Variants in ROBO1 observed in about 807,000 individuals in gnomAD.
ROBO1 encodes roundabout homolog 1.
In ROBO1, 149 loss-of-function variants were observed where a neutral mutation model predicts 195.9. That is an observed-to-expected ratio of 0.76 (90% CI 0.67 to 0.87). The LOEUF (loss-of-function observed/expected upper bound fraction) is 0.87, where lower values mean the gene tolerates loss of function less well. ROBO1 is among the 40% of genes least tolerant of loss of function. The pLI is 0.00. For synonymous variants in ROBO1, 816 were observed against 733.2 expected (o/e 1.11, Z -1.82); for missense variants, 1,933 against 2,068.3 (o/e 0.93, Z 1.27).
At chr3:79,288,964 A>G (rs1210125778) in intron 2 of ROBO1, among the ~76,000 whole-genome samples, 2 of 152,194 alleles carry the variant, frequency 1.3e-5, no homozygotes, top group Admixed American at 6.5e-5. Flanking sequence ...TGACAAGGAC[A>G]TTCAATGTTG....
chr3:79,487,036 G>A (rs760288312), intron 2 of ROBO1, among the ~76,000 whole-genome samples: 1 of 152,058 alleles, frequency 6.6e-6, no homozygotes, highest in African/African-American at 2.4e-5. Context: ...CACCCCTAGA[G>A]ACTCAAGGTC....
intron 2 of ROBO1, among the ~76,000 whole-genome samples, chr3:79,346,161 T>A (rs2035108052): frequency 1.3e-5 from 2 of 152,112 alleles, no homozygotes; most frequent in South Asian, 4.1e-4. Context: ...ATATTGCTCA[T>A]TTTTAATATT....
intron 2 of ROBO1, among the ~76,000 whole-genome samples, chr3:79,290,877 C>T (rs1419112097): frequency 6.6e-6 from 1 of 152,076 alleles, no homozygotes; most frequent in Non-Finnish European, 1.5e-5. Flanking sequence ...TCATCTAATT[C>T]TCTCCAGGTC....
At chr3:79,509,035 C>A (rs1392274664) in intron 2 of ROBO1, among the ~76,000 whole-genome samples, 1 of 151,900 alleles carries the variant, frequency 6.6e-6, no homozygotes, top group Non-Finnish European at 1.5e-5. Flanking sequence ...TATTTGATGA[C>A]ACATTAGTAA....
At chr3:79,215,062 A>G (rs2082031380) in intron 2 of ROBO1, among the ~76,000 whole-genome samples, 1 of 152,082 alleles carries the variant, frequency 6.6e-6, no homozygotes, top group Admixed American at 6.6e-5. Flanking sequence ...GCATGTGTAT[A>G]TTCCTTTATC....
At chr3:79,432,521 A>C (rs903681058) in intron 2 of ROBO1, among the ~76,000 whole-genome samples, 7 of 152,140 alleles carry the variant, frequency 4.6e-5, no homozygotes, top group African/African-American at 1.7e-4. Flanking sequence ...AGGCATTTAA[A>C]AATATATTAG....
At position 78,867,949 on chromosome 3, in the gene ROBO1, C is replaced by T. The variant is rs189673205; in HGVS notation, c.499+70652G>A. Among the ~76,000 whole-genome samples the T allele has an allele frequency of 5.0e-3, 757 of 152,204 alleles. 3 individuals carry two copies. The highest frequency in any genetic ancestry group is 8.1e-3 in the Non-Finnish European group (550 of 68,018). ...ATTGAGACTAATAACAGAACCTCTC[C>T]GTCTATTCTTGTCTTAAAGGCCTGT... On this transcript the variant is annotated intron_variant, in intron 4 of 30. Transcript: ENST00000464233.
At chr3:79,602,737 C>T (rs1308846849) in intron 1 of ROBO1, among the ~76,000 whole-genome samples, 1 of 151,906 alleles carries the variant, frequency 6.6e-6, no homozygotes, top group Non-Finnish European at 1.5e-5. Context: ...TAAATTTCAA[C>T]ATTAAATCAA....
intron 3 of ROBO1, among the ~76,000 whole-genome samples, chr3:79,047,009 A>G (rs2078607669): frequency 6.6e-6 from 1 of 152,124 alleles, no homozygotes. Context: ...CAAGTACTGA[A>G]GGTATGCAAC....
chr3:78,688,266 C>A (rs543533102), intron 9 of ROBO1, among the ~76,000 whole-genome samples: 12 of 152,114 alleles, frequency 7.9e-5, no homozygotes, highest in Non-Finnish European at 1.8e-4. Context: ...TCAAAGAAAT[C>A]ACTGAATAAT....
chr3:78,704,464 T>C (rs918996043), intron 8 of ROBO1, among the ~76,000 whole-genome samples: 4 of 152,050 alleles, frequency 2.6e-5, no homozygotes, highest in African/African-American at 9.7e-5. Context: ...GAGGTGTTTT[T>C]GAATGCAAGT....
intron 2 of ROBO1, among the ~76,000 whole-genome samples, chr3:79,261,402 T>G (rs916910767): frequency 3.3e-5 from 5 of 152,044 alleles, no homozygotes; most frequent in African/African-American, 4.8e-5. Flanking sequence ...GACAAACATA[T>G]TGTGAAATTA....
intron 3 of ROBO1, among the ~76,000 whole-genome samples, chr3:79,024,017 A>G (rs1000540075): frequency 1.3e-5 from 2 of 151,990 alleles, no homozygotes; most frequent in Admixed American, 1.3e-4. Context: ...GCCAGGGCCA[A>G]TATTTTTAAC....
chr3:78,970,194 T>C (rs2076732808), intron 3 of ROBO1, among the ~76,000 whole-genome samples: 1 of 152,202 alleles, frequency 6.6e-6, no homozygotes, highest in Admixed American at 6.5e-5. Flanking sequence ...ATATATTAAA[T>C]ACTTTTCAAA....
At position 78,646,197 on chromosome 3, in the gene ROBO1, T is replaced by A. The variant is rs1575833955; in HGVS notation, c.2840-7A>T. 2 of 1,603,628 alleles carry A rather than the reference T, an allele frequency of 1.2e-6. No homozygotes were observed. The highest frequency in any genetic ancestry group is 1.3e-5 in the African/African-American group (1 of 74,144). On this transcript the variant is annotated splice_polypyrimidine_tract_variant and splice_region_variant and intron_variant, in intron 20 of 30. Coordinates refer to ENST00000464233, the MANE Select transcript of ROBO1 (RefSeq NM_002941.4). ...CCTCCTCTCTGGTAAGTTACTAGAATGTTACGAAAAAAAAAAGGAACAATT... is the reference window on the plus strand; with the variant it reads ...CCTCCTCTCTGGTAAGTTACTAGAAAGTTACGAAAAAAAAAAGGAACAATT...
intron 1 of ROBO1, among the ~76,000 whole-genome samples, chr3:79,736,250 G>T (rs949367646): frequency 2.0e-5 from 3 of 152,204 alleles, no homozygotes; most frequent in Non-Finnish European, 4.4e-5. Flanking sequence ...AAAGGATAGA[G>T]AGCAGGCTAC....
At chr3:78,686,049 G>A (rs951329773) in intron 9 of ROBO1, 132 bp from the exon 10 acceptor site, 132 of 693,394 alleles carry the variant, frequency 1.9e-4, no homozygotes, top group South Asian at 1.0e-3. Context: ...ATATGTATCC[G>A]TCTATATACA....
chr3:79,116,478 CTT>C (rs35246359), intron 3 of ROBO1, among the ~76,000 whole-genome samples: 1 of 141,522 alleles, frequency 7.1e-6, no homozygotes, highest in Non-Finnish European at 1.5e-5. Flanking sequence ...TTCTTTCTCT[CTT>C]TCTCTCCTTC....
intron 3 of ROBO1, among the ~76,000 whole-genome samples, chr3:78,962,513 C>CCTT (rs10649635): frequency 0.47 from 71,065 of 151,534 alleles, 18,485 homozygotes; most frequent in African/African-American, 0.71. Context: ...AGAGAACACT[C>CCTT]CTCCGCCTTG....
Sources: gnomAD v4.1 joint callset for allele counts (sites outside exome capture counted in the v4.1 genomes callset) on GRCh38, gnomAD v4.1.1 for gene constraint, MANE v1.5 for transcripts, NCBI Gene and HGNC (gene_info 2026-07-23, HGNC 2026-07-21) for gene names.